NTNG2: variants seen among roughly 807,000 people sequenced by gnomAD.
The protein encoded by NTNG2 is netrin-G2.
Under a neutral mutation model 47.6 loss-of-function variants are expected in NTNG2, and 15 were observed. The observed-to-expected ratio is 0.32, with a 90% CI of 0.21 to 0.49. The LOEUF (loss-of-function observed/expected upper bound fraction) is 0.49. Among genes scored for constraint, NTNG2 ranks in the 20% least tolerant of loss-of-function variants. NTNG2 has a pLI of 0.99. For synonymous variants in NTNG2, 307 were observed against 324.6 expected, an observed-to-expected ratio of 0.95 and a Z score of 0.58; for missense variants, 578 against 764.6, an observed-to-expected ratio of 0.76 and a Z score of 2.88.
chr9:132,189,068 C>CTTTTTTTTTTTTTTTTT (rs749756559), intron 2 of NTNG2, among the ~76,000 whole-genome samples: 1,841 of 93,226 alleles, frequency 0.02, 378 homozygotes, highest in Middle Eastern at 0.034. Context: ...TTAAGCCTTT[C>CTTTTTTTTTTTTTTTTT]TTTTTTTTTT....
In NTNG2 at chr9:132,241,064, C is replaced by T. The variant is rs1218618164; in HGVS notation, c.1357+20C>T. ...GCTACCGTGAGTGCGCGCCGTCCCC[C>T]GTGGGCGGGGCCTGCGGAAAGGGGA... On this transcript the variant is annotated intron_variant, in intron 7 of 7. Transcript: ENST00000393229. 6.3e-7 allele frequency: 1 copy of T among 1,580,380 alleles called. No homozygotes were observed. The highest frequency in any genetic ancestry group is 1.3e-5 in the African/African-American group (1 of 74,362).
chr9:132,191,583 A>G (rs1479868124), intron 2 of NTNG2, among the ~76,000 whole-genome samples: 1 of 151,300 alleles, frequency 6.6e-6, no homozygotes, highest in Non-Finnish European at 1.5e-5. Context: ...TTTTTCTTTT[A>G]GACAGAGTCT....
At chr9:132,241,123 T>G (rs962235241) in intron 7 of NTNG2, 79 bp downstream of exon 7, 98 of 1,269,838 alleles carry the variant, frequency 7.7e-5, no homozygotes, top group Middle Eastern at 5.3e-4. Flanking sequence ...CGGGGCCTAG[T>G]GGGACGGGGC....
rs1841947098 is a variant in NTNG2, at chr9:132,241,058, G to A, written c.1357+14G>A. 1 of 1,585,672 alleles carries A rather than the reference G, an allele frequency of 6.3e-7. No homozygotes were observed. ...AGGGCTGCTACCGTGAGTGCGCGCCGTCCCCCGTGGGCGGGGCCTGCGGAA... is the reference window on the plus strand; with the variant it reads ...AGGGCTGCTACCGTGAGTGCGCGCCATCCCCCGTGGGCGGGGCCTGCGGAA... On this transcript the variant is annotated intron_variant, in intron 7 of 7. Transcript: ENST00000393229.
Position 132,226,749 on chromosome 9 carries a change from A to ACCCTCCTGGGC in NTNG2, c.858-89_858-79dup, listed in dbSNP as rs1014892889. ...AGGGTTTCTTCCTGGGCAGCCCAAC[A>ACCCTCCTGGGC]CCCTCCTGGGCCCCTCCTGGGAGGC... On this transcript the variant is annotated intron_variant, in intron 3 of 7. Transcript: ENST00000393229. This position sits in a 1 kb window ranked among gnomAD's most constrained non-coding sequence, Gnocchi z 4.8. 19 of 1,102,324 alleles carry ACCCTCCTGGGC rather than the reference A, an allele frequency of 1.7e-5. No individual in the cohort carries two copies. Among genetic ancestry groups the ACCCTCCTGGGC allele is most frequent in the Non-Finnish European group, 2.2e-5 (18 of 800,320 alleles). 68.3% of individuals were successfully genotyped at this position (1,102,324 alleles called of 1,614,324 possible).
chr9:132,228,002 G>A (rs1243433305), intron 4 of NTNG2, among the ~76,000 whole-genome samples: 27 of 152,300 alleles, frequency 1.8e-4, no homozygotes, highest in Admixed American at 1.6e-3. Flanking sequence ...CCGCAGGGTG[G>A]AGTCCTTATT....
In NTNG2 at chr9:132,226,367, A is replaced by G. The variant is rs1840757999; in HGVS notation, c.858-482A>G. ...GCCCTCAAGGGCGTGGCTGTGGGCC[A>G]CAACCTGACAGCAGAGGTCCAGCCT... is the stretch of plus-strand genomic sequence containing the variant. On this transcript the variant is annotated intron_variant, in intron 3 of 7. Coordinates refer to ENST00000393229, the MANE Select transcript of NTNG2 (RefSeq NM_032536.4). This position sits in a 1 kb window ranked among gnomAD's most constrained non-coding sequence, Gnocchi z 4.8. 6.6e-6 allele frequency among the ~76,000 whole-genome samples: 1 copy of G among 152,242 alleles called. No individual in the cohort carries two copies. Among genetic ancestry groups the G allele is most frequent in the African/African-American group, 2.4e-5 (1 of 41,456 alleles).
chr9:132,215,288 A>T lies in NTNG2; in HGVS notation c.858-11561A>T, dbSNP rs1473040400. ...GGCTCTGTGGGGAAATGACTCCAAG[A>T]GGCCAGTGGGGGCCAGGCATGGTGG... On this transcript the variant is annotated intron_variant, in intron 3 of 7. Coordinates refer to ENST00000393229, the MANE Select transcript of NTNG2 (RefSeq NM_032536.4). This position sits in a 1 kb window ranked among gnomAD's most constrained non-coding sequence, Gnocchi z 4.2. Among the ~76,000 whole-genome samples the T allele has an allele frequency of 6.6e-6, 1 of 152,116 alleles. No homozygotes were observed. The highest frequency in any genetic ancestry group is 2.4e-5 in the African/African-American group (1 of 41,420).
intron 2 of NTNG2, among the ~76,000 whole-genome samples, chr9:132,194,392 A>C (rs1283845541): frequency 6.6e-6 from 1 of 152,202 alleles, no homozygotes; most frequent in Non-Finnish European, 1.5e-5. Flanking sequence ...CTACCCACTC[A>C]GGCCATTGGG....
chr9:132,170,460 C>T (rs1163697257), intron 2 of NTNG2, among the ~76,000 whole-genome samples: 1 of 152,218 alleles, frequency 6.6e-6, no homozygotes, highest in Non-Finnish European at 1.5e-5. Flanking sequence ...AGCAAGGCTG[C>T]AGGCCGAGAA....
chr9:132,203,694 G>A (rs1219505693), intron 3 of NTNG2, among the ~76,000 whole-genome samples: 1 of 152,246 alleles, frequency 6.6e-6, no homozygotes, highest in African/African-American at 2.4e-5. Flanking sequence ...TCCTCCTGCA[G>A]CCGTGGTAGC....
At chr9:132,191,117 G>A (rs1385899818) in intron 2 of NTNG2, among the ~76,000 whole-genome samples, 1 of 152,194 alleles carries the variant, frequency 6.6e-6, no homozygotes, top group Non-Finnish European at 1.5e-5. Context: ...CTGAGAGGGT[G>A]CAGGGAGGAG....
At chr9:132,175,569 T>C (rs939352197) in intron 2 of NTNG2, among the ~76,000 whole-genome samples, 2 of 152,234 alleles carry the variant, frequency 1.3e-5, no homozygotes, top group African/African-American at 4.8e-5. Context: ...AAACGGCAGA[T>C]GATGCGGGAA....
Position 132,231,262 on chromosome 9 carries a change from TCA to T in NTNG2, c.1054+670_1054+671del, listed in dbSNP as rs1183718346. ...TGTCATCGAGACTGTCCCCAGACAC[TCA>T]CAGGGTGCCAGGCACGGTCTCTCCT... On this transcript the variant is annotated intron_variant, in intron 5 of 7. Transcript: ENST00000393229. The surrounding 1 kb of genome is among the most constrained non-coding windows in gnomAD (Gnocchi z 4.1). 2.2e-6 allele frequency: 1 copy of T among 455,376 alleles called. No individual in the cohort carries two copies. Among genetic ancestry groups the T allele is most frequent in the Non-Finnish European group, 4.4e-6 (1 of 226,368 alleles). The allele number at this position is 455,376 out of a possible 1,614,324, so 28.2% of individuals were successfully genotyped here. A position where few individuals can be genotyped will look rare whatever the true frequency, so the allele number is the denominator to read the frequency against.
rs1465884267 is a variant in NTNG2 at position 132,236,371 on chromosome 9, A to G, written c.1055-2733A>G. Among the ~76,000 whole-genome samples, 1 of 152,158 alleles carries G rather than the reference A, an allele frequency of 6.6e-6. No individual in the cohort carries two copies. Among genetic ancestry groups the G allele is most frequent in the Non-Finnish European group, 1.5e-5 (1 of 68,020 alleles). Reference sequence around the variant, plus strand: ...ACACAGGGCTCATCTGTAGCCATAGACAGACATGCCAAGGAAACGCGCAGG... The same window carrying G: ...ACACAGGGCTCATCTGTAGCCATAGGCAGACATGCCAAGGAAACGCGCAGG... On this transcript the variant is annotated intron_variant, in intron 5 of 7. Coordinates refer to ENST00000393229, the MANE Select transcript of NTNG2 (RefSeq NM_032536.4). This position sits in a 1 kb window ranked among gnomAD's most constrained non-coding sequence, Gnocchi z 4.3.
intron 2 of NTNG2, among the ~76,000 whole-genome samples, chr9:132,169,870 G>T (rs1202187146): frequency 6.6e-6 from 1 of 152,172 alleles, no homozygotes; most frequent in East Asian, 1.9e-4. Context: ...CCTCTCCCCA[G>T]CCTTGGGGAC....
intron 3 of NTNG2, among the ~76,000 whole-genome samples, chr9:132,223,011 G>A (rs562101526): frequency 7.9e-5 from 12 of 152,334 alleles, no homozygotes; most frequent in African/African-American, 2.9e-4. Flanking sequence ...CTACTCGGGA[G>A]GCTGAGGAGG....
At chr9:132,206,593 G>A (rs1375547365) in intron 3 of NTNG2, among the ~76,000 whole-genome samples, 1 of 152,254 alleles carries the variant, frequency 6.6e-6, no homozygotes, top group African/African-American at 2.4e-5. Context: ...CTTGAACCCA[G>A]AAGGCGGAGG....
intron 3 of NTNG2, among the ~76,000 whole-genome samples, chr9:132,199,471 C>G (rs1838576501): frequency 6.6e-6 from 1 of 152,208 alleles, no homozygotes; most frequent in Non-Finnish European, 1.5e-5. Flanking sequence ...TGGGGTTGTG[C>G]AGGCAGCACT....
Sources: allele counts gnomAD v4.1 joint callset (sites outside exome capture counted in the v4.1 genomes callset), GRCh38; gene constraint gnomAD v4.1.1; non-coding constraint Gnocchi (gnomAD v3.1); transcripts MANE v1.5; gene names NCBI Gene and HGNC (gene_info 2026-07-23, HGNC 2026-07-21).